SPIN2A: variants seen among roughly 807,000 people sequenced by gnomAD.
SPIN2A encodes the protein spindlin-2A.
SPIN2A carries 4 observed loss-of-function variants against 9.2 expected under a neutral mutation model. That is an observed-to-expected ratio of 0.44 (90% CI 0.21 to 1.00). The LOEUF (loss-of-function observed/expected upper bound fraction) is 1.00. Among genes scored for constraint, SPIN2A ranks in the 50% least tolerant of loss-of-function variants. The probability of loss-of-function intolerance (pLI) is 0.26; values close to 1 mark genes in which losing one functional copy is unlikely to be tolerated. For synonymous variants in SPIN2A, 25 were observed against 61.2 expected, an observed-to-expected ratio of 0.41 and a Z score of 2.76; for missense variants, 77 against 172.8, an observed-to-expected ratio of 0.45 and a Z score of 3.11.
chrX:57,145,449 G>A, the SPIN2A span, among the ~76,000 whole-genome samples: 2 of 111,437 alleles, frequency 1.8e-5, no homozygotes, highest in African/African-American at 6.5e-5. Flanking sequence ...AGGAGATTCC[G>A]GATATTAGTC....
At chrX:57,146,340 A>G in the SPIN2A span, among the ~76,000 whole-genome samples, 10 of 111,171 alleles carry the variant, frequency 9.0e-5, no homozygotes, top group East Asian at 2.8e-3. Context: ...TGTGAAAGGG[A>G]TTGAGTTCTT....
At chrX:57,136,629 C>A (rs1466082212) in intron 1 of SPIN2A, 27 bp from the exon 2 acceptor site, 3 of 363,178 alleles carry the variant, frequency 8.3e-6, no homozygotes, top group African/African-American at 8.6e-5. Flanking sequence ...GATAGAGAGA[C>A]ACACCCAGTG....
At chrX:57,137,079 C>G in intron 1 of SPIN2A, 181 bp downstream of exon 1, 1 of 792,917 alleles carries the variant, frequency 1.3e-6, no homozygotes, top group Admixed American at 6.9e-5. Flanking sequence ...CTATTCCTAC[C>G]CCCTTTCCCT....
intron 1 of SPIN2A, chrX:57,137,005 A>C: frequency 1.2e-6 from 1 of 852,344 alleles, no homozygotes; most frequent in South Asian, 4.9e-5. Context: ...GCCTATCCTA[A>C]CCACTTCCCT....
upstream of SPIN2A, among the ~76,000 whole-genome samples, chrX:57,139,062 A>T (rs940254152): frequency 4.5e-5 from 5 of 111,992 alleles, no homozygotes; most frequent in East Asian, 8.4e-4. Flanking sequence ...TTTTTAGCTG[A>T]TGTGATTTCA....
downstream of SPIN2A, chrX:57,134,380 G>GGTC (rs1468470502): frequency 9.0e-6 from 1 of 111,428 alleles, no homozygotes; most frequent in African/African-American, 3.3e-5. Flanking sequence ...GCCTGTGAGG[G>GGTC]GTCTGCAGAC....
At chrX:57,134,804 C>T (rs17251323), downstream of SPIN2A, 2 of 111,626 alleles carry the variant, frequency 1.8e-5, no homozygotes, top group African/African-American at 6.5e-5. Context: ...ACCATGTTAG[C>T]GTGTTTAGGC....
chrX:57,142,810 C>A, the SPIN2A span, among the ~76,000 whole-genome samples: 2 of 111,426 alleles, frequency 1.8e-5, no homozygotes, highest in Non-Finnish European at 3.8e-5. Flanking sequence ...TATATATTTA[C>A]AATTATTATA....
At chrX:57,140,435 A>AT (rs1943715227), upstream of SPIN2A, among the ~76,000 whole-genome samples, 1 of 105,773 alleles carries the variant, frequency 9.5e-6, no homozygotes, top group African/African-American at 3.5e-5. Context: ...AAAAAAAAAA[A>AT]AATAGAAAAA....
At chrX:57,140,014 T>C (rs900444495), upstream of SPIN2A, among the ~76,000 whole-genome samples, 35 of 112,157 alleles carry the variant, frequency 3.1e-4, no homozygotes, top group African/African-American at 8.7e-4. Context: ...TTTCTATTTT[T>C]GTGTTGTCTT....
chrX:57,135,611 C>T (rs1218474007), downstream of SPIN2A: 3 of 859,405 alleles, frequency 3.5e-6, no homozygotes, highest in Admixed American at 4.0e-5. Flanking sequence ...CAAACACACC[C>T]GAACTTTTCA....
chrX:57,135,644 A>T (rs994602501), downstream of SPIN2A: 21 of 1,011,089 alleles, frequency 2.1e-5, no homozygotes, highest in Non-Finnish European at 2.7e-5. Flanking sequence ...GCTTACAGAC[A>T]GCATGTCATG....
chrX:57,139,196 T>A (rs1044205543), upstream of SPIN2A, among the ~76,000 whole-genome samples: 1 of 112,202 alleles, frequency 8.9e-6, no homozygotes, highest in Non-Finnish European at 1.9e-5. Flanking sequence ...GGTCTTAGAT[T>A]TATGTCTTTA....
At chrX:57,145,585 G>C in the SPIN2A span, among the ~76,000 whole-genome samples, 1 of 111,607 alleles carries the variant, frequency 9.0e-6, no homozygotes, top group Admixed American at 9.5e-5. Flanking sequence ...ATTTATTTTT[G>C]TTTTAGTTGC....
chrX:57,143,420 G>A, the SPIN2A span, among the ~76,000 whole-genome samples: 11 of 110,102 alleles, frequency 1.0e-4, no homozygotes, highest in African/African-American at 1.7e-4. Context: ...CCCCCCTTAC[G>A]ACTTTTTGTT....
At chrX:57,136,954 T>G (rs1272746561) in intron 1 of SPIN2A, 1 of 871,336 alleles carries the variant, frequency 1.1e-6, no homozygotes, top group Non-Finnish European at 1.5e-6. Flanking sequence ...CCCACTACCC[T>G]CCTGCCCTGA....
upstream of SPIN2A, among the ~76,000 whole-genome samples, chrX:57,141,372 T>C (rs1205939690): frequency 8.9e-6 from 1 of 112,245 alleles, no homozygotes; most frequent in Admixed American, 9.5e-5. Flanking sequence ...TGTATATTTA[T>C]TGGTAATATT....
At chrX:57,141,860 G>C (rs1928012016), upstream of SPIN2A, among the ~76,000 whole-genome samples, 1 of 110,520 alleles carries the variant, frequency 9.0e-6, no homozygotes, top group Admixed American at 9.7e-5. Flanking sequence ...GTATATGTGT[G>C]TCATGGTGGT....
the SPIN2A span, among the ~76,000 whole-genome samples, chrX:57,145,512 G>A: frequency 8.9e-6 from 1 of 112,038 alleles, no homozygotes; most frequent in Admixed American, 9.5e-5. Flanking sequence ...TGCATTGTCT[G>A]TTTACTCTGA....
Sources: gnomAD v4.1 joint callset for allele counts (sites outside exome capture counted in the v4.1 genomes callset) on GRCh38, gnomAD v4.1.1 for gene constraint, MANE v1.5 for transcripts, NCBI Gene and HGNC (gene_info 2026-07-23, HGNC 2026-07-21) for gene names.